SLC2A3: variants seen among roughly 807,000 people sequenced by gnomAD.
SLC2A3 encodes the protein solute carrier family 2 member 3, also known as solute carrier family 2, facilitated glucose transporter member 3.
A neutral mutation model predicts 46.4 loss-of-function variants in SLC2A3; 21 were observed. The ratio of observed to expected loss-of-function variants is 0.45; its 90% confidence interval spans 0.32 to 0.65. The LOEUF (loss-of-function observed/expected upper bound fraction) is 0.65. SLC2A3 is among the 30% of genes least tolerant of loss of function. The probability of loss-of-function intolerance (pLI) is 0.04; values close to 1 mark genes in which losing one functional copy is unlikely to be tolerated. For missense variants in SLC2A3, 499 were observed against 623.3 expected (o/e 0.80, Z 2.12); for synonymous variants, 213 against 239.4 (o/e 0.89, Z 1.02).
chr12:7,933,529 A>T, intron 2 of SLC2A3: 3 of 473,492 alleles, frequency 6.3e-6, no homozygotes, highest in Non-Finnish European at 1.1e-5. Flanking sequence ...TGACCCCACT[A>T]ATTTTCCCCA....
chr12:7,930,553 T>C lies in SLC2A3; in HGVS notation c.600A>G (p.Ala200=). Residue 200 remains alanine, a synonymous_variant, in exon 5 of 10, where the codon GCA becomes GCG. Transcript: ENST00000075120. ...GACTTTCAGGGCAAAATGGAAGGGCTGCACTTTGTAGGATAGCAGGAAGGA... is the reference window on the plus strand; with the variant it reads ...GACTTTCAGGGCAAAATGGAAGGGCCGCACTTTGTAGGATAGCAGGAAGGA... ...FTILPAILQS[A]ALPFCPESPR... 7.4e-6 allele frequency: 12 copies of C among 1,614,018 alleles called. No individual in the cohort carries two copies. Among genetic ancestry groups the C allele is most frequent in the Non-Finnish European group, 1.0e-5 (12 of 1,179,948 alleles).
chr12:7,933,651 A>G lies in SLC2A3; in HGVS notation c.108+159T>C, dbSNP rs1428653223. On this transcript the variant is annotated intron_variant, in intron 2 of 9. Transcript: ENST00000075120. ...ACTGTGTTGCTCAGGATGGTGTTTA[A>G]CTCCTGGACTCAAGTGATCTTTAAG... is the stretch of plus-strand genomic sequence containing the variant. 4 of 709,434 alleles carry G rather than the reference A, an allele frequency of 5.6e-6. No homozygotes were observed. The South Asian group carries it at 5.8e-5, about 10-fold the overall frequency. The allele number at this position is 709,434 out of a possible 1,614,324, so 43.9% of individuals were successfully genotyped here.
At chr12:7,934,691 C>A (rs964683919) in intron 1 of SLC2A3, among the ~76,000 whole-genome samples, 1 of 151,964 alleles carries the variant, frequency 6.6e-6, no homozygotes, top group African/African-American at 2.4e-5. Flanking sequence ...CCATTCCCCC[C>A]CACCCCACCA....
intron 8 of SLC2A3, among the ~76,000 whole-genome samples, chr12:7,923,625 T>A (rs958774602): frequency 1.3e-5 from 2 of 151,756 alleles, no homozygotes; most frequent in Admixed American, 6.6e-5. Flanking sequence ...AAAAAAAAAT[T>A]TTTTTTTGTT....
chr12:7,933,470 A>T, intron 2 of SLC2A3: 3 of 463,098 alleles, frequency 6.5e-6, no homozygotes, highest in South Asian at 2.8e-5. Context: ...GAGGAAGAAC[A>T]GCACCGCCCA....
In SLC2A3 at chr12:7,933,869, C is replaced by T. The variant is rs975353339; in HGVS notation, c.49G>A (p.Ala17Thr). 2.5e-6 allele frequency: 4 copies of T among 1,613,912 alleles called. No individual in the cohort carries two copies. The highest frequency in any genetic ancestry group is 3.4e-6 in the Non-Finnish European group (4 of 1,179,978). ...CCAAATTGGAAAGAGCCGATTGTAG[C>T]AACTGTGATGGCAAATATCAGAGCT... ...TPALIFAITV[A>T]TIGSFQFGYN... The change falls in exon 2 of 10, where the codon GCT becomes ACT. Residue 17 changes from alanine (A) to threonine (T), a missense_variant. Ala to Thr is a moderately conservative substitution (Grantham distance 58). Coordinates refer to ENST00000075120, the MANE Select transcript of SLC2A3 (RefSeq NM_006931.3).
intron 6 of SLC2A3, among the ~76,000 whole-genome samples, chr12:7,928,991 C>T (rs1946124271): frequency 6.6e-6 from 1 of 151,920 alleles, no homozygotes; most frequent in South Asian, 2.1e-4. Flanking sequence ...GCCTCTAACC[C>T]CTCATAAGAA....
At chr12:7,925,095 G>C (rs1946080786) in intron 7 of SLC2A3, among the ~76,000 whole-genome samples, 1 of 152,284 alleles carries the variant, frequency 6.6e-6, no homozygotes, top group African/African-American at 2.4e-5. Context: ...CTATGTGCTA[G>C]GAGTGCACCC....
intron 7 of SLC2A3, among the ~76,000 whole-genome samples, chr12:7,924,977 T>C (rs1267782378): frequency 6.6e-6 from 1 of 152,274 alleles, no homozygotes; most frequent in Non-Finnish European, 1.5e-5. Flanking sequence ...CATGCTTCAA[T>C]CATGGAGAAC....
chr12:7,930,567 T>G lies in SLC2A3; in HGVS notation c.586A>C (p.Ile196Leu). The G allele has an allele frequency of 3.1e-6, 5 of 1,613,950 alleles. No homozygotes were observed. The highest frequency in any genetic ancestry group is 4.2e-6 in the Non-Finnish European group (5 of 1,179,920). ...AATGGAAGGGCTGCACTTTGTAGGATAGCAGGAAGGATGGTAAAACCCAGT... is the reference window on the plus strand; with the variant it reads ...AATGGAAGGGCTGCACTTTGTAGGAGAGCAGGAAGGATGGTAAAACCCAGT... ...LLLGFTILPA[I>L]LQSAALPFCP... The change falls in exon 5 of 10, where the codon ATC becomes CTC. Residue 196 changes from isoleucine to leucine, a missense_variant. By Grantham distance (5) the Ile-to-Leu change is conservative (BLOSUM62 2). This residue lies in a region of SLC2A3 where 248 missense variants were observed against 284.0 expected (regional missense o/e 0.87). Coordinates refer to ENST00000075120, the MANE Select transcript of SLC2A3 (RefSeq NM_006931.3).
Position 7,933,860 on chromosome 12 carries a change from C to T in SLC2A3, c.58G>A (p.Gly20Ser), listed in dbSNP as rs1946185476. The T allele has an allele frequency of 1.2e-6, 2 of 1,613,812 alleles. No homozygotes were observed. The highest frequency in any genetic ancestry group is 1.3e-5 in the African/African-American group (1 of 74,874). The change falls in exon 2 of 10, where the codon GGC becomes AGC. Residue 20 changes from glycine to serine, a missense_variant. Around this residue, in one of 5 missense-constraint regions of SLC2A3, gnomAD observed 248 missense variants for 284.0 expected, o/e 0.87. Coordinates refer to ENST00000075120, the MANE Select transcript of SLC2A3 (RefSeq NM_006931.3). ...GTGTTGTAGCCAAATTGGAAAGAGCCGATTGTAGCAACTGTGATGGCAAAT... is the reference window on the plus strand; with the variant it reads ...GTGTTGTAGCCAAATTGGAAAGAGCTGATTGTAGCAACTGTGATGGCAAAT... ...LIFAITVATI[G>S]SFQFGYNTGV...
At position 7,921,782 on chromosome 12, in the gene SLC2A3, C is replaced by A. The variant is rs962318493; in HGVS notation, c.1273-151G>T. On this transcript the variant is annotated intron_variant, in intron 9 of 9. Transcript: ENST00000075120. The stretch of plus-strand genomic sequence containing the variant: ...GTTTCTTCAGATTCGCTTATGATTC[C>A]ATTGCTAACTTACTGTAGTTCTCTC... 3.4e-6 allele frequency: 3 copies of A among 878,616 alleles called. No homozygotes were observed. In the African/African-American group the frequency reaches 5.1e-5, roughly 15 times the overall value. 54.4% of individuals were successfully genotyped at this position (878,616 alleles called of 1,614,324 possible).
At chr12:7,922,742 C>G (rs1946051092) in intron 9 of SLC2A3, 79 bp downstream of exon 9, 1 of 1,581,108 alleles carries the variant, frequency 6.3e-7, no homozygotes, top group Admixed American at 1.7e-5. Flanking sequence ...CCATGCCAGG[C>G]CCAGACTACT....
chr12:7,923,612 T>G (rs1055067070), intron 8 of SLC2A3, among the ~76,000 whole-genome samples: 1 of 150,130 alleles, frequency 6.7e-6, no homozygotes. Context: ...AAACCCTGTC[T>G]CAAAAAAAAA....
chr12:7,923,066 T>C (rs376028465), intron 8 of SLC2A3, 42 bp from the exon 9 acceptor site: 7 of 1,554,294 alleles, frequency 4.5e-6, no homozygotes, highest in African/African-American at 2.7e-5. Flanking sequence ...TTAAAGACAG[T>C]GTAACCTAGT....
rs762764145 is a variant in SLC2A3 at position 7,923,010 on chromosome 12, C to T, written c.1083G>A (p.Gly361=). 47 of 1,613,430 alleles carry T rather than the reference C, an allele frequency of 2.9e-5. 1 individual carries two copies. The highest frequency in any genetic ancestry group is 3.8e-5 in the Non-Finnish European group (45 of 1,179,762). The change falls in exon 9 of 10, where the codon GGG becomes GGA. Residue 361 remains glycine (G), a synonymous_variant. Transcript: ENST00000075120. ...TAGCCCCAATACAGACAAAGCTCAT[C>T]CCATTATAGTTATCCTGTAAGAGCA... ...VSLLLKDNYN[G]MSFVCIGAIL...
chr12:7,931,296 G>A lies in SLC2A3; in HGVS notation c.459C>T (p.Ala153=), dbSNP rs1458162906. ...TGCCCAGCTGGTTGAGAGTGCCAAA[G>A]GCACCCCGCAGGGCAGTAGGCGAGA... ...GEISPTALRG[A]FGTLNQLGIV... The change falls in exon 4 of 10, where the codon GCC becomes GCT. Residue 153 remains alanine (A), a synonymous_variant. Coordinates refer to ENST00000075120, the MANE Select transcript of SLC2A3 (RefSeq NM_006931.3). The A allele has an allele frequency of 6.2e-7, 1 of 1,614,180 alleles. No homozygotes were observed. Among genetic ancestry groups the A allele is most frequent in the African/African-American group, 1.3e-5 (1 of 75,050 alleles).
chr12:7,929,991 T>C, intron 5 of SLC2A3, 120 bp from the exon 6 acceptor site: 6 of 987,134 alleles, frequency 6.1e-6, no homozygotes, highest in Non-Finnish European at 8.1e-6. Context: ...ATCCATTCCT[T>C]TTTTTTTTTT....
In SLC2A3 at chr12:7,932,886, T is replaced by C. The variant is rs1946171756; in HGVS notation, c.269+101A>G. ...TTTCCCTTGATTAGAATTCAAGGTGTTCTTATTCAAAGGCATCATCACCTC... is the reference window on the plus strand; with the variant it reads ...TTTCCCTTGATTAGAATTCAAGGTGCTCTTATTCAAAGGCATCATCACCTC... On this transcript the variant is annotated intron_variant, in intron 3 of 9. Transcript: ENST00000075120. 8 of 1,504,358 alleles carry C rather than the reference T, an allele frequency of 5.3e-6. No homozygotes were observed. The East Asian group carries it at 1.8e-4, about 34-fold the overall frequency. The allele number at this position is 1,504,358 out of a possible 1,614,324, so 93.2% of individuals were successfully genotyped here.
Sources: gnomAD v4.1 joint callset for allele counts (sites outside exome capture counted in the v4.1 genomes callset) on GRCh38, gnomAD v4.1.1 for gene constraint, gnomAD v4.1.1 regional missense constraint, MANE v1.5 for transcripts, NCBI Gene and HGNC (gene_info 2026-07-23, HGNC 2026-07-21) for gene names.